Variants in SMIM13 observed in about 807,000 individuals in gnomAD.
The protein encoded by SMIM13 is UPF0766 protein C6orf228.
Under a neutral mutation model 5.9 loss-of-function variants are expected in SMIM13, and 3 were observed. The observed-to-expected ratio is 0.51, with a 90% CI of 0.23 to 1.31. The LOEUF (loss-of-function observed/expected upper bound fraction) is 1.31, where lower values mean the gene tolerates loss of function less well. SMIM13 is among the 40% of genes most tolerant of loss of function. SMIM13 has a pLI of 0.18. For missense variants in SMIM13, 85 were observed against 109.9 expected (o/e 0.77, Z 1.01); for synonymous variants, 55 against 46.0 (o/e 1.19, Z -0.79).
At chr6:11,117,385 C>T in intron 1 of SMIM13, among the ~76,000 whole-genome samples, 1 of 150,222 alleles carries the variant, frequency 6.7e-6, no homozygotes, top group Admixed American at 6.6e-5. Context: ...ACCAGGTGGC[C>T]AGGATGGTCT....
At chr6:11,111,082 G>A (rs61354739) in intron 1 of SMIM13, among the ~76,000 whole-genome samples, 2,263 of 152,280 alleles carry the variant, frequency 0.015, 50 homozygotes, top group African/African-American at 0.05. Context: ...GAGGTCATCC[G>A]AGCTGGTAGG....
At chr6:11,132,613 T>C (rs1758464887) in intron 1 of SMIM13, among the ~76,000 whole-genome samples, 1 of 152,180 alleles carries the variant, frequency 6.6e-6, no homozygotes, top group South Asian at 2.1e-4. Flanking sequence ...GAAGTACTGA[T>C]GCTTACAACA....
At chr6:11,116,864 C>T (rs1326978393) in intron 1 of SMIM13, among the ~76,000 whole-genome samples, 1 of 150,614 alleles carries the variant, frequency 6.6e-6, no homozygotes, top group Admixed American at 6.6e-5. Flanking sequence ...ATCTTTCCTT[C>T]TGCTTATTTT....
intron 1 of SMIM13, among the ~76,000 whole-genome samples, chr6:11,118,644 A>C (rs1461514817): frequency 6.6e-6 from 1 of 152,240 alleles, no homozygotes; most frequent in Non-Finnish European, 1.5e-5. Flanking sequence ...TTGAGGTAAT[A>C]GTATTGTAGA....
chr6:11,134,305 T>G, intron 1 of SMIM13, 98 bp from the exon 2 acceptor site: 3 of 734,450 alleles, frequency 4.1e-6, no homozygotes, highest in Non-Finnish European at 6.6e-6. Context: ...TATATTTTTA[T>G]ATAGTATTTT....
intron 1 of SMIM13, among the ~76,000 whole-genome samples, chr6:11,105,854 T>G (rs1303018073): frequency 6.6e-6 from 1 of 152,166 alleles, no homozygotes; most frequent in African/African-American, 2.4e-5. Flanking sequence ...TTTTAGCAGT[T>G]TCTTCATCTA....
Position 11,133,731 on chromosome 6 carries a change from A to T in SMIM13, c.77-672A>T, listed in dbSNP as rs189840866. ...AACCTTTACTACTCCTTGCAAAAACAAAACTTGTTTTTTTTTTTTTGTTAA... is the reference window on the plus strand; with the variant it reads ...AACCTTTACTACTCCTTGCAAAAACTAAACTTGTTTTTTTTTTTTTGTTAA... On this transcript the variant is annotated intron_variant, in intron 1 of 1. Transcript: ENST00000416247. 5.7e-3 allele frequency among the ~76,000 whole-genome samples: 854 copies of T among 148,814 alleles called. 12 individuals are homozygous for T. Among genetic ancestry groups the T allele is most frequent in the African/African-American group, 0.02 (808 of 40,340 alleles).
intron 1 of SMIM13, among the ~76,000 whole-genome samples, chr6:11,133,282 G>C (rs934719872): frequency 1.3e-5 from 2 of 152,118 alleles, no homozygotes; most frequent in Non-Finnish European, 2.9e-5. Flanking sequence ...TTTGGTTCAG[G>C]TAACACTCAG....
chr6:11,107,781 G>T (rs1758108749), intron 1 of SMIM13, among the ~76,000 whole-genome samples: 3 of 152,150 alleles, frequency 2.0e-5, no homozygotes, highest in Admixed American at 6.5e-5. Context: ...TTTTTAACAG[G>T]TAAGATGGGG....
intron 1 of SMIM13, among the ~76,000 whole-genome samples, chr6:11,119,736 A>G (rs1319691483): frequency 6.6e-6 from 1 of 152,188 alleles, no homozygotes; most frequent in South Asian, 2.1e-4. Context: ...CACCAGAAGA[A>G]GAAGAAGAGA....
chr6:11,103,596 T>C, intron 1 of SMIM13: 1 of 1,453,604 alleles, frequency 6.9e-7, no homozygotes, highest in South Asian at 1.5e-5. Flanking sequence ...AGGATGGCTC[T>C]GTGGATTGGC....
rs1166094045 is a variant in SMIM13 at position 11,107,103 on chromosome 6, C to G, written c.76+12714C>G. ...ATATCTAGCTCTATCCCTGACAAAGCTATTCCCACCTGAAAACCGTATGTC... is the reference window on the plus strand; with the variant it reads ...ATATCTAGCTCTATCCCTGACAAAGGTATTCCCACCTGAAAACCGTATGTC... On this transcript the variant is annotated intron_variant, in intron 1 of 1. Coordinates refer to ENST00000416247, the MANE Select transcript of SMIM13 (RefSeq NM_001135575.2). Among the ~76,000 whole-genome samples, 3 of 152,184 alleles carry G rather than the reference C, an allele frequency of 2.0e-5. No individual in the cohort carries two copies. In the East Asian group the frequency reaches 5.8e-4, roughly 29 times the overall value.
intron 1 of SMIM13, among the ~76,000 whole-genome samples, chr6:11,095,016 T>G (rs1051278750): frequency 6.6e-6 from 1 of 152,244 alleles, no homozygotes; most frequent in Non-Finnish European, 1.5e-5. Flanking sequence ...GACGTTCAAC[T>G]TTTTTCTTCA....
chr6:11,098,696 G>T (rs115810940), intron 1 of SMIM13, among the ~76,000 whole-genome samples: 1 of 152,176 alleles, frequency 6.6e-6, no homozygotes, highest in African/African-American at 2.4e-5. Flanking sequence ...GGCTCCCAGG[G>T]TGCTGGGACT....
intron 1 of SMIM13, among the ~76,000 whole-genome samples, chr6:11,119,789 G>A (rs1561757775): frequency 6.6e-6 from 1 of 152,202 alleles, no homozygotes; most frequent in Non-Finnish European, 1.5e-5. Context: ...AACTTGAAAT[G>A]TCTTATGATT....
chr6:11,115,710 G>A (rs1465062489), intron 1 of SMIM13, among the ~76,000 whole-genome samples: 1 of 140,410 alleles, frequency 7.1e-6, no homozygotes, highest in East Asian at 2.0e-4. Flanking sequence ...TTGAGACAGA[G>A]TTTCACTTTT....
chr6:11,130,561 T>C (rs932260169), intron 1 of SMIM13, among the ~76,000 whole-genome samples: 9 of 152,182 alleles, frequency 5.9e-5, no homozygotes, highest in Non-Finnish European at 1.2e-4. Flanking sequence ...TAGCCATAAC[T>C]TGCCTCTCCA....
At chr6:11,107,267 C>G (rs1758100436) in intron 1 of SMIM13, among the ~76,000 whole-genome samples, 1 of 152,208 alleles carries the variant, frequency 6.6e-6, no homozygotes, top group African/African-American at 2.4e-5. Flanking sequence ...GAACACTGCT[C>G]AACTGTTACC....
intron 1 of SMIM13, among the ~76,000 whole-genome samples, chr6:11,114,870 C>T (rs1156410136): frequency 6.6e-6 from 1 of 151,802 alleles, no homozygotes; most frequent in Admixed American, 6.6e-5. Context: ...AAAGTGTTGG[C>T]ATTATAGGCA....
Sources: gnomAD v4.1 joint callset for allele counts (sites outside exome capture counted in the v4.1 genomes callset) on GRCh38, gnomAD v4.1.1 for gene constraint, MANE v1.5 for transcripts, NCBI Gene and HGNC (gene_info 2026-07-23, HGNC 2026-07-21) for gene names.